Variants in C1QL3 observed in about 807,000 individuals in gnomAD.
C1QL3 encodes complement C1q like 3.
A neutral mutation model predicts 16.6 loss-of-function variants in C1QL3; 4 were observed. The ratio of observed to expected loss-of-function variants is 0.24; its 90% CI spans 0.12 to 0.55. C1QL3 has a LOEUF of 0.55. C1QL3 is among the 20% of genes least tolerant of loss of function. C1QL3 has a pLI of 0.94. For missense variants in C1QL3, 269 were observed against 365.6 expected, an observed-to-expected ratio of 0.74 and a Z score of 2.16; for synonymous variants, 189 against 160.2, an observed-to-expected ratio of 1.18 and a Z score of -1.36.
chr10:16,514,796 G>T, intron 1 of C1QL3, 89 bp from the exon 2 acceptor site: 1 of 937,830 alleles, frequency 1.1e-6, no homozygotes, highest in Non-Finnish European at 1.6e-6. Flanking sequence ...AAGCTGACTT[G>T]CTGCCATAGT....
At chr10:16,516,745 C>T (rs555056531) in intron 1 of C1QL3, among the ~76,000 whole-genome samples, 1 of 152,268 alleles carries the variant, frequency 6.6e-6, no homozygotes, top group African/African-American at 2.4e-5. Context: ...GTGAACGTCA[C>T]CATTTTTATT....
intron 1 of C1QL3, among the ~76,000 whole-genome samples, chr10:16,519,668 G>A (rs866504218): frequency 6.6e-6 from 1 of 152,128 alleles, no homozygotes; most frequent in Non-Finnish European, 1.5e-5. Context: ...GGCTGGTCCA[G>A]AGGCCGATAG....
chr10:16,519,270 G>T (rs1243398448), intron 1 of C1QL3, among the ~76,000 whole-genome samples: 2 of 150,552 alleles, frequency 1.3e-5, no homozygotes, highest in African/African-American at 4.9e-5. Flanking sequence ...ATGTCCAGGG[G>T]TCGAGTTACC....
Position 16,521,404 on chromosome 10 carries a change from A to G in C1QL3, c.-339T>C. ...CGAGCTCCTTCGCACCTGTGGCTGC[A>G]GCCGGCGCCGGCGCGGCCACCGGGA... On this transcript the variant is annotated 5_prime_UTR_variant, in exon 1 of 2. Transcript: ENST00000298943. 5.3e-6 allele frequency: 1 copy of G among 187,714 alleles called. No homozygotes were observed. Among genetic ancestry groups the G allele is most frequent in the Admixed American group, 6.2e-5 (1 of 16,192 alleles). The allele number at this position is 187,714 out of a possible 1,614,324, so 11.6% of individuals were successfully genotyped here. A position where few individuals can be genotyped will look rare whatever the true frequency, so the allele number is the denominator to read the frequency against.
intron 1 of C1QL3, among the ~76,000 whole-genome samples, chr10:16,519,410 C>T (rs796544818): frequency 2.3e-4 from 35 of 149,710 alleles, no homozygotes; most frequent in African/African-American, 8.4e-4. Flanking sequence ...ACTCAGCCCA[C>T]ACCGCAGGCT....
chr10:16,516,947 T>A (rs1836961164), intron 1 of C1QL3, among the ~76,000 whole-genome samples: 1 of 152,308 alleles, frequency 6.6e-6, no homozygotes, highest in South Asian at 2.1e-4. Flanking sequence ...CATACTCCAG[T>A]GTACCTGGCA....
At position 16,514,677 on chromosome 10, in the gene C1QL3, C is replaced by CTTG; in HGVS notation, c.618_619insCAA (p.Ala206_Asp207insGln). ...TTACTGGCATAGTCGTAATTCTGAT[C>CTTG]AGCATCTTGGGCAATTGCACTAGCA... On this transcript the variant is annotated inframe_insertion, in exon 2 of 2. Coordinates refer to ENST00000298943, the MANE Select transcript of C1QL3 (RefSeq NM_001010908.2). 1 of 1,613,724 alleles carries CTTG rather than the reference C, an allele frequency of 6.2e-7. No homozygotes were observed.
intron 1 of C1QL3, 110 bp from the exon 2 acceptor site, chr10:16,514,817 G>A: frequency 4.0e-6 from 3 of 754,556 alleles, no homozygotes; most frequent in Admixed American, 2.8e-5. Flanking sequence ...ACAGAATTTA[G>A]CATAGCAAAG....
intron 1 of C1QL3, among the ~76,000 whole-genome samples, chr10:16,514,957 C>T (rs1836926626): frequency 6.6e-6 from 1 of 152,168 alleles, no homozygotes; most frequent in African/African-American, 2.4e-5. Context: ...TCTAACTACA[C>T]ATTCTAAACT....
chr10:16,519,146 T>TTTTTTTTTTTTTTTTTTTTTTTTA, intron 1 of C1QL3, among the ~76,000 whole-genome samples: 1 of 137,652 alleles, frequency 7.3e-6, no homozygotes, highest in Non-Finnish European at 1.6e-5. Context: ...AGGACTTTTT[T>TTTTTTTTTTTTTTTTTTTTTTTTA]TTTTTTTTTT....
intron 1 of C1QL3, among the ~76,000 whole-genome samples, chr10:16,516,270 G>T (rs762148772): frequency 9.2e-5 from 14 of 152,096 alleles, no homozygotes; most frequent in Admixed American, 9.2e-4. Context: ...AAAGTGGTCC[G>T]TTTTGACCAT....
Position 16,520,632 on chromosome 10 carries a change from A to G in C1QL3, c.434T>C (p.Phe145Ser). ...TCCGAGGTTGGTGACCACGTCGTCG[A>G]ACTTGAGCACCTCGTAGCCTTCATG... ...RQHEGYEVLKFDDVVTNLGNH... is the reference protein window; with the variant it reads ...RQHEGYEVLKSDDVVTNLGNH... The change falls in exon 1 of 2, where the codon TTC (phenylalanine) becomes TCC (serine). Residue 145 changes from phenylalanine (F) to serine (S), a missense_variant. Coordinates refer to ENST00000298943, the MANE Select transcript of C1QL3 (RefSeq NM_001010908.2). The surrounding 1 kb of genome is among the most constrained non-coding windows in gnomAD (Gnocchi z 8.3). 1 of 1,613,584 alleles carries G rather than the reference A, an allele frequency of 6.2e-7. No individual in the cohort carries two copies. Among genetic ancestry groups the G allele is most frequent in the Non-Finnish European group, 8.5e-7 (1 of 1,179,756 alleles).
intron 1 of C1QL3, among the ~76,000 whole-genome samples, chr10:16,517,911 T>C (rs1836978830): frequency 6.6e-6 from 1 of 152,224 alleles, no homozygotes; most frequent in Admixed American, 6.5e-5. Flanking sequence ...TTTCCATCTG[T>C]GATCTTACAT....
intron 1 of C1QL3, among the ~76,000 whole-genome samples, chr10:16,517,702 T>G (rs1269988917): frequency 6.6e-6 from 1 of 152,196 alleles, no homozygotes; most frequent in Non-Finnish European, 1.5e-5. Context: ...AGGGATATGT[T>G]TCTGTGTCTG....
chr10:16,521,142 T>C lies in C1QL3; in HGVS notation c.-77A>G, dbSNP rs889414432. The stretch of plus-strand genomic sequence containing the variant: ...CCGGCTCAGCGCGGGGCGATCCTCT[T>C]GTCTGCTTTTGGACAGAATTTTGAA... On this transcript the variant is annotated 5_prime_UTR_variant, in exon 1 of 2. Coordinates refer to ENST00000298943, the MANE Select transcript of C1QL3 (RefSeq NM_001010908.2). 8 of 1,338,932 alleles carry C rather than the reference T, an allele frequency of 6.0e-6. No individual in the cohort carries two copies. Among genetic ancestry groups the C allele is most frequent in the Non-Finnish European group, 8.2e-6 (8 of 974,376 alleles). The allele number at this position is 1,338,932 out of a possible 1,614,324, so 82.9% of individuals were successfully genotyped here.
At position 16,520,353 on chromosome 10, in the gene C1QL3, C is replaced by T; in HGVS notation, c.588+125G>A. 2 of 750,716 alleles carry T rather than the reference C, an allele frequency of 2.7e-6. No individual in the cohort carries two copies. The highest frequency in any genetic ancestry group is 3.0e-5 in the East Asian group (1 of 33,398). The allele number at this position is 750,716 out of a possible 1,614,324, so 46.5% of individuals were successfully genotyped here. ...GACGGCGTCCCCCCTTGCCGTCGCTCCAGGGAGCCCGGCCGCCGCGCCCTT... is the reference window on the plus strand; with the variant it reads ...GACGGCGTCCCCCCTTGCCGTCGCTTCAGGGAGCCCGGCCGCCGCGCCCTT... On this transcript the variant is annotated intron_variant, in intron 1 of 1. Coordinates refer to ENST00000298943, the MANE Select transcript of C1QL3 (RefSeq NM_001010908.2). The surrounding 1 kb of genome is among the most constrained non-coding windows in gnomAD (Gnocchi z 8.3).
intron 1 of C1QL3, 43 bp from the exon 2 acceptor site, chr10:16,514,750 C>G: frequency 3.3e-6 from 5 of 1,493,578 alleles, no homozygotes; most frequent in Non-Finnish European, 4.6e-6. Flanking sequence ...AATGAGAATT[C>G]TCAAGTTTTC....
At position 16,521,068 on chromosome 10, in the gene C1QL3, C is replaced by G; in HGVS notation, c.-3G>C. The G allele has an allele frequency of 6.3e-7, 1 of 1,595,090 alleles. No individual in the cohort carries two copies. Among genetic ancestry groups the G allele is most frequent in the East Asian group, 2.3e-5 (1 of 44,312 alleles). On this transcript the variant is annotated 5_prime_UTR_variant, in exon 1 of 2. Coordinates refer to ENST00000298943, the MANE Select transcript of C1QL3 (RefSeq NM_001010908.2). ...AGGATCACCAGCAGCAGCACCATCA[C>G]CACCCCCAGCGCCCCGGCGGCGATC... is the stretch of plus-strand genomic sequence containing the variant.
Position 16,514,723 on chromosome 10 carries a change from A to G in C1QL3, c.589-16T>C. 1 of 1,584,336 alleles carries G rather than the reference A, an allele frequency of 6.3e-7. No homozygotes were observed. On this transcript the variant is annotated splice_polypyrimidine_tract_variant and intron_variant, in intron 1 of 1. Coordinates refer to ENST00000298943, the MANE Select transcript of C1QL3 (RefSeq NM_001010908.2). Reference sequence around the variant, plus strand: ...TAGCACGCACCTATGTGAAACAGACAAGAATTAGGATGCGTAAATGAGAAT... The same window carrying G: ...TAGCACGCACCTATGTGAAACAGACGAGAATTAGGATGCGTAAATGAGAAT...
Sources: allele counts gnomAD v4.1 joint callset (sites outside exome capture counted in the v4.1 genomes callset), GRCh38; gene constraint gnomAD v4.1.1; non-coding constraint Gnocchi (gnomAD v3.1); transcripts MANE v1.5; gene names NCBI Gene and HGNC (gene_info 2026-07-23, HGNC 2026-07-21).